Variants in E2F8 observed in about 807,000 individuals in gnomAD.
The protein encoded by E2F8 is E2F transcription factor 8.
A neutral mutation model predicts 80.8 loss-of-function variants in E2F8; 35 were observed. The observed-to-expected ratio is 0.43, with a 90% CI of 0.33 to 0.57. The LOEUF (loss-of-function observed/expected upper bound fraction) is 0.57, where lower values mean the gene tolerates loss of function less well. Ranked by LOEUF, E2F8 falls within the 20% of genes least tolerant of loss-of-function variation. The pLI, the probability that E2F8 is intolerant of heterozygous loss-of-function variation, is 0.04. For synonymous variants in E2F8, 386 were observed against 395.0 expected (o/e 0.98, Z 0.27); for missense variants, 975 against 1,056.2 (o/e 0.92, Z 1.07).
Position 19,225,595 on chromosome 11 carries a change from A to G in E2F8, c.2047T>C (p.Ser683Pro), listed in dbSNP as rs1806678664. ...GGAAAATTAACAGCAGTGAGTTCAG[A>G]TGATGTCACTGGAATAACACCTGGA... is the stretch of plus-strand genomic sequence containing the variant. ...PIAGVIPVTS[S>P]ELTAVNFPSF... The change falls in exon 12 of 13, where the codon TCT (serine) becomes CCT (proline). Residue 683 changes from serine (S) to proline (P), a missense_variant. Coordinates refer to ENST00000250024, the MANE Select transcript of E2F8 (RefSeq NM_024680.4). The G allele has an allele frequency of 1.2e-6, 2 of 1,613,808 alleles. No homozygotes were observed. The highest frequency in any genetic ancestry group is 1.6e-4 in the Middle Eastern group (1 of 6,080).
At chr11:19,226,228 C>T (rs941623833) in intron 10 of E2F8, 6 of 199,176 alleles carry the variant, frequency 3.0e-5, no homozygotes, top group Non-Finnish European at 6.2e-5. Context: ...ATTGATTGTT[C>T]TTGAATTATG....
At chr11:19,238,351 A>G (rs1159236244) in intron 2 of E2F8, among the ~76,000 whole-genome samples, 2 of 152,254 alleles carry the variant, frequency 1.3e-5, no homozygotes, top group African/African-American at 2.4e-5. Flanking sequence ...GCAATAAGCC[A>G]TAAATGTTTT....
rs1383733710 is a variant in E2F8 at position 19,234,903 on chromosome 11, C to T, written c.607G>A (p.Ala203Thr). 3.7e-6 allele frequency: 6 copies of T among 1,614,064 alleles called. No individual in the cohort carries two copies. The highest frequency in any genetic ancestry group is 2.2e-5 in the South Asian group (2 of 91,090). Reference sequence around the variant, plus strand: ...TTTTTGATCATCATAATCTGCTCGGCGTACTTATTCTCCTCCCCGATGCTC... The same window carrying T: ...TTTTTGATCATCATAATCTGCTCGGTGTACTTATTCTCCTCCCCGATGCTC... ...LKSIGEENKY[A>T]EQIMMIKKKE... The change falls in exon 5 of 13, where the codon GCC (alanine) becomes ACC (threonine). Residue 203 changes from alanine (A) to threonine (T), a missense_variant. Physicochemically the swap from Ala to Thr is moderately conservative, Grantham distance 58. Coordinates refer to ENST00000250024, the MANE Select transcript of E2F8 (RefSeq NM_024680.4).
In E2F8 at chr11:19,224,332, A is replaced by T; in HGVS notation, c.*326T>A. ...TTTGCTTAGAGGGAAGTAAACTTTA[A>T]TACAGTTACTTTGCATAATAGTATA... is the stretch of plus-strand genomic sequence containing the variant. On this transcript the variant is annotated 3_prime_UTR_variant, in exon 13 of 13. Transcript: ENST00000250024. 1 of 185,884 alleles carries T rather than the reference A, an allele frequency of 5.4e-6. No individual in the cohort carries two copies. The highest frequency in any genetic ancestry group is 1.1e-5 in the Non-Finnish European group (1 of 89,160). 11.5% of individuals were successfully genotyped at this position (185,884 alleles called of 1,614,324 possible).
chr11:19,237,483 A>C lies in E2F8; in HGVS notation c.295-13T>G. On this transcript the variant is annotated splice_polypyrimidine_tract_variant and intron_variant, in intron 3 of 12. Transcript: ENST00000250024. The stretch of plus-strand genomic sequence containing the variant: ...CAGATAAGTGTTCCTACAAAGGAAA[A>C]GGTAAACAATGTCTTATTCTAAAAT... The C allele has an allele frequency of 1.2e-6, 2 of 1,609,990 alleles. No individual in the cohort carries two copies. Among genetic ancestry groups the C allele is most frequent in the African/African-American group, 2.7e-5 (2 of 74,664 alleles).
chr11:19,241,177 C>G (rs1248537888), upstream of E2F8, among the ~76,000 whole-genome samples: 2 of 152,222 alleles, frequency 1.3e-5, no homozygotes, highest in Non-Finnish European at 2.9e-5. This position sits in a 1 kb window ranked among gnomAD's most constrained non-coding sequence, Gnocchi z 4.5. Flanking sequence ...GGCGCCTCCC[C>G]TTAGCTGCGC....
At chr11:19,225,047 A>G in intron 12 of E2F8, 174 bp downstream of exon 12, 1 of 1,114,500 alleles carries the variant, frequency 9.0e-7, no homozygotes, top group Admixed American at 2.3e-5. Context: ...ACCCAACAAT[A>G]TGGATGCCTT....
At chr11:19,235,831 A>C (rs1851505825) in intron 4 of E2F8, among the ~76,000 whole-genome samples, 1 of 152,230 alleles carries the variant, frequency 6.6e-6, no homozygotes, top group Non-Finnish European at 1.5e-5. Flanking sequence ...TGATCATAAG[A>C]TAGAAACAAA....
chr11:19,234,233 G>T, intron 6 of E2F8, 127 bp downstream of exon 6: 2 of 1,013,132 alleles, frequency 2.0e-6, no homozygotes, highest in Non-Finnish European at 2.8e-6. Flanking sequence ...CTGGGGAGAA[G>T]ATATAAAAAC....
intron 6 of E2F8, 69 bp downstream of exon 6, chr11:19,234,291 A>G (rs950881666): frequency 6.5e-7 from 1 of 1,545,996 alleles, no homozygotes; most frequent in South Asian, 1.2e-5. Flanking sequence ...TAATTTGGAA[A>G]TGAGTTTACG....
intron 12 of E2F8, 60 bp from the exon 13 acceptor site, chr11:19,224,900 C>A: frequency 6.3e-7 from 1 of 1,577,168 alleles, no homozygotes; most frequent in African/African-American, 1.4e-5. Flanking sequence ...CATAGTCTTA[C>A]CAGACTTGGA....
At chr11:19,240,042 T>C (rs1590132933) in intron 2 of E2F8, 65 bp downstream of exon 2, 2 of 1,309,290 alleles carry the variant, frequency 1.5e-6, no homozygotes, top group South Asian at 1.8e-5. Flanking sequence ...GGAAAAATTA[T>C]GGAGTTAAAT....
chr11:19,225,065 C>G (rs1292610858), intron 12 of E2F8, 156 bp downstream of exon 12: 6 of 1,218,646 alleles, frequency 4.9e-6, no homozygotes, highest in East Asian at 4.7e-5. Flanking sequence ...CTTGGACACT[C>G]TTCCTGGGTT....
chr11:19,229,616 G>T lies in E2F8; in HGVS notation c.1731C>A (p.Thr577=). ...GTGCTGGCAGCAAGCTTCCAGGCCT[G>T]GTAGAGGCACTGGCCTTTGAGGTAT... ...ANDTSKASAS[T]RPGSLLPAPE... The change falls in exon 10 of 13, where the codon ACC becomes ACA. Residue 577 remains threonine, a synonymous_variant. Transcript: ENST00000250024. The surrounding 1 kb of genome is among the most constrained non-coding windows in gnomAD (Gnocchi z 4.3). 4 of 1,614,180 alleles carry T rather than the reference G, an allele frequency of 2.5e-6. No homozygotes were observed. Among genetic ancestry groups the T allele is most frequent in the Non-Finnish European group, 3.4e-6 (4 of 1,180,034 alleles).
rs1283345833 is a variant in E2F8, at chr11:19,230,348, G to C, written c.1271-20C>G. ...TCTCAGCTGGTAAAATAGAAAGGAA[G>C]AGAGCACCGGTCAAAGCTAAAGAAC... On this transcript the variant is annotated intron_variant, in intron 8 of 12. Coordinates refer to ENST00000250024, the MANE Select transcript of E2F8 (RefSeq NM_024680.4). 6.2e-7 allele frequency: 1 copy of C among 1,606,258 alleles called. No individual in the cohort carries two copies.
Position 19,237,299 on chromosome 11 carries a change from T to A in E2F8, c.451+15A>T, listed in dbSNP as rs938931979. ...TTAATTATTAATTCTTTCAGTGAGT[T>A]CTTTGCATACTTACTAAGTTCCTCT... On this transcript the variant is annotated intron_variant, in intron 4 of 12. Transcript: ENST00000250024. 6.2e-7 allele frequency: 1 copy of A among 1,613,480 alleles called. No individual in the cohort carries two copies. The highest frequency in any genetic ancestry group is 1.3e-5 in the African/African-American group (1 of 75,034).
At chr11:19,238,642 T>TCACATG (rs1851585241) in intron 2 of E2F8, among the ~76,000 whole-genome samples, 3 of 152,200 alleles carry the variant, frequency 2.0e-5, no homozygotes, top group African/African-American at 7.2e-5. Context: ...CTAAATAAAA[T>TCACATG]ACCACTGAAG....
intron 6 of E2F8, 98 bp downstream of exon 6, chr11:19,234,262 T>C (rs1201261005): frequency 7.4e-7 from 1 of 1,359,912 alleles, no homozygotes; most frequent in Non-Finnish European, 1.0e-6. Flanking sequence ...AGAAGATCTG[T>C]TTATGCACCT....
chr11:19,230,543 G>A, intron 8 of E2F8, 88 bp downstream of exon 8: 1 of 1,429,504 alleles, frequency 7.0e-7, no homozygotes, highest in Non-Finnish European at 9.7e-7. Context: ...ATAATTCTCT[G>A]ACAACTATTG....
Sources: allele counts gnomAD v4.1 joint callset (sites outside exome capture counted in the v4.1 genomes callset), GRCh38; gene constraint gnomAD v4.1.1; non-coding constraint Gnocchi (gnomAD v3.1); transcripts MANE v1.5; gene names NCBI Gene and HGNC (gene_info 2026-07-23, HGNC 2026-07-21).